CFAP36: variants seen among roughly 807,000 people sequenced by gnomAD.
The protein encoded by CFAP36 is cilia and flagella associated protein 36, also known as cilia- and flagella-associated protein 36.
CFAP36 carries 37 observed loss-of-function variants against 50.5 expected under a neutral mutation model. The observed-to-expected ratio is 0.73, with a 90% CI of 0.56 to 0.96. The LOEUF is 0.96. Among genes scored for constraint, CFAP36 ranks in the 50% least tolerant of loss-of-function variants. The pLI is 0.00. For missense variants in CFAP36, 407 were observed against 396.2 expected (o/e 1.03, Z -0.23); for synonymous variants, 138 against 128.2 (o/e 1.08, Z -0.52).
intron 1 of CFAP36, among the ~76,000 whole-genome samples, 200 bp downstream of exon 1, chr2:55,520,116 C>A: frequency 6.6e-6 from 1 of 152,276 alleles, no homozygotes; most frequent in South Asian, 2.1e-4. Flanking sequence ...TTCCTTTCAC[C>A]CTGCCAATGT....
intron 1 of CFAP36, chr2:55,520,343 T>C: frequency 2.8e-6 from 4 of 1,406,776 alleles, no homozygotes; most frequent in Non-Finnish European, 3.8e-6. Flanking sequence ...TTATGATCCC[T>C]AGCATTTCGC....
intron 1 of CFAP36, among the ~76,000 whole-genome samples, chr2:55,521,841 G>A (rs1199740145): frequency 6.6e-6 from 1 of 152,026 alleles, no homozygotes; most frequent in Non-Finnish European, 1.5e-5. Flanking sequence ...CATCAGCCAG[G>A]CTGGTCTCGA....
intron 1 of CFAP36, 72 bp downstream of exon 1, chr2:55,519,988 C>T: frequency 1.4e-6 from 2 of 1,405,710 alleles, no homozygotes; most frequent in Non-Finnish European, 1.0e-6. Context: ...GGGTTGGTAA[C>T]CACAAGCCAT....
At chr2:55,520,492 C>G in intron 1 of CFAP36, 1 of 1,535,618 alleles carries the variant, frequency 6.5e-7, no homozygotes, top group Non-Finnish European at 8.8e-7. Flanking sequence ...GAGCTCTCTA[C>G]TCTTCGCTAT....
At chr2:55,523,604 T>C (rs1243949516) in intron 2 of CFAP36, 117 bp from the exon 3 acceptor site, 11 of 579,688 alleles carry the variant, frequency 1.9e-5, no homozygotes. Flanking sequence ...TCATGTAATA[T>C]GTAGATTAAT....
At chr2:55,538,808 T>G in intron 7 of CFAP36, 2 of 1,543,748 alleles carry the variant, frequency 1.3e-6, no homozygotes, top group African/African-American at 2.8e-5. Flanking sequence ...CACCGAACTC[T>G]TCAATGGTGA....
intron 3 of CFAP36, among the ~76,000 whole-genome samples, chr2:55,528,265 T>C (rs1684261525): frequency 6.6e-6 from 1 of 151,852 alleles, no homozygotes; most frequent in African/African-American, 2.4e-5. Flanking sequence ...AATGCCCCTC[T>C]TTATTGCTGA....
chr2:55,531,134 C>A (rs578246630), intron 4 of CFAP36: 3 of 152,330 alleles, frequency 2.0e-5, no homozygotes, highest in African/African-American at 7.2e-5. Flanking sequence ...GAATCCATGA[C>A]ATAGTGCTAT....
chr2:55,536,214 C>G (rs560104310), intron 6 of CFAP36, among the ~76,000 whole-genome samples: 98 of 151,242 alleles, frequency 6.5e-4, no homozygotes, highest in African/African-American at 2.3e-3. Flanking sequence ...CTCACTGCAA[C>G]CTCTGCCTCC....
At chr2:55,527,536 C>G (rs993075575) in intron 3 of CFAP36, among the ~76,000 whole-genome samples, 2 of 151,828 alleles carry the variant, frequency 1.3e-5, no homozygotes, top group African/African-American at 4.8e-5. Flanking sequence ...GAGCTGAGAT[C>G]GCGCCACTGC....
Position 55,544,094 on chromosome 2 carries a change from T to G in CFAP36, c.777+20T>G. On this transcript the variant is annotated intron_variant, in intron 8 of 9. Coordinates refer to ENST00000349456, the MANE Select transcript of CFAP36 (RefSeq NM_080667.7). ...ATAGCAGTAAGTAAACGACATCACT[T>G]AAGAACTATAAGCAAAATGACAAGG... 6.2e-7 allele frequency: 1 copy of G among 1,612,732 alleles called. No individual in the cohort carries two copies. Among genetic ancestry groups the G allele is most frequent in the Non-Finnish European group, 8.5e-7 (1 of 1,179,638 alleles).
chr2:55,537,718 G>A lies in CFAP36; in HGVS notation c.640+133G>A, dbSNP rs542945114. 1.9e-5 allele frequency: 12 copies of A among 620,924 alleles called. 1 individual carries two copies. The highest frequency in any genetic ancestry group is 1.5e-4 in the African/African-American group (8 of 52,528). 38.5% of individuals were successfully genotyped at this position (620,924 alleles called of 1,614,324 possible). On this transcript the variant is annotated intron_variant, in intron 7 of 9. Transcript: ENST00000349456. ...GTATTGAATGTCTTTGGTATTTAACGTTCTTTGTGAATTTGGTTAAAGAGG... is the reference window on the plus strand; with the variant it reads ...GTATTGAATGTCTTTGGTATTTAACATTCTTTGTGAATTTGGTTAAAGAGG...
At chr2:55,532,291 C>T (rs1247923310) in intron 4 of CFAP36, among the ~76,000 whole-genome samples, 1 of 151,690 alleles carries the variant, frequency 6.6e-6, no homozygotes, top group Non-Finnish European at 1.5e-5. Flanking sequence ...GTTGATTATA[C>T]TCAAAACTGC....
intron 6 of CFAP36, among the ~76,000 whole-genome samples, chr2:55,537,025 G>A (rs1474445772): frequency 1.3e-5 from 2 of 151,900 alleles, no homozygotes; most frequent in African/African-American, 4.8e-5. Flanking sequence ...TTACAGACAT[G>A]AGCCACTGTG....
chr2:55,530,856 T>C (rs1445022017), intron 4 of CFAP36, among the ~76,000 whole-genome samples: 3 of 152,240 alleles, frequency 2.0e-5, no homozygotes, highest in Non-Finnish European at 4.4e-5. Context: ...TGATTGTTTC[T>C]TGAAGATATG....
At chr2:55,538,997 C>T in intron 7 of CFAP36, 2 of 1,242,384 alleles carry the variant, frequency 1.6e-6, no homozygotes, top group Non-Finnish European at 2.1e-6. Context: ...TAAAATTGAG[C>T]AGAAGGTACA....
intron 3 of CFAP36, among the ~76,000 whole-genome samples, chr2:55,525,699 C>T (rs1471999945): frequency 2.6e-5 from 4 of 151,828 alleles, no homozygotes; most frequent in South Asian, 2.1e-4. Context: ...GGCACAATCT[C>T]GGCTCACTGC....
chr2:55,521,593 ATATGTGTGTGTG>A (rs1315883584), intron 1 of CFAP36, among the ~76,000 whole-genome samples: 3 of 147,392 alleles, frequency 2.0e-5, no homozygotes, highest in Admixed American at 1.4e-4. Context: ...TTAATAGTAT[ATATGTGTGTGTG>A]TGTGTGTGTG....
intron 2 of CFAP36, 94 bp downstream of exon 2, chr2:55,522,260 C>A: frequency 2.9e-6 from 2 of 682,292 alleles, no homozygotes; most frequent in Admixed American, 3.2e-5. Context: ...CATTAAAAAT[C>A]CTTAATTTTA....
Sources: gnomAD v4.1 joint callset for allele counts (sites outside exome capture counted in the v4.1 genomes callset) on GRCh38, gnomAD v4.1.1 for gene constraint, MANE v1.5 for transcripts, NCBI Gene and HGNC (gene_info 2026-07-23, HGNC 2026-07-21) for gene names.